The following SSU72 variants were observed in gnomAD, a reference collection of about 807,000 sequenced individuals.
The protein encoded by SSU72 is SSU72 homolog, RNA polymerase II CTD phosphatase.
A neutral mutation model predicts 22.7 loss-of-function variants in SSU72; 12 were observed. The observed-to-expected ratio is 0.53, with a 90% CI of 0.34 to 0.86. The LOEUF is 0.86. SSU72 is among the 40% of genes least tolerant of loss of function. The probability of loss-of-function intolerance (pLI) is 0.02; values close to 1 mark genes in which losing one functional copy is unlikely to be tolerated. For missense variants in SSU72, 151 were observed against 249.8 expected (o/e 0.60, Z 2.67); for synonymous variants, 116 against 98.3 (o/e 1.18, Z -1.06).
intron 1 of SSU72, among the ~76,000 whole-genome samples, chr1:1,572,882 G>A (rs1390280314): frequency 6.8e-6 from 1 of 147,476 alleles, no homozygotes; most frequent in Non-Finnish European, 1.5e-5. Flanking sequence ...TGTCTTGGGG[G>A]GGGGGGGGTG....
intron 2 of SSU72, chr1:1,545,206 G>C (rs1642376259): frequency 3.4e-6 from 2 of 595,876 alleles, no homozygotes; most frequent in Non-Finnish European, 5.8e-6. Context: ...AGTGGGCGAT[G>C]GCAGGTGCTT....
At chr1:1,546,654 T>A (rs191100326) in intron 2 of SSU72, among the ~76,000 whole-genome samples, 3 of 151,666 alleles carry the variant, frequency 2.0e-5, no homozygotes, top group African/African-American at 7.3e-5. Flanking sequence ...CTGGCCAAGA[T>A]GGTGAAACCC....
At chr1:1,547,648 G>A (rs1359763611) in intron 2 of SSU72, among the ~76,000 whole-genome samples, 4 of 152,218 alleles carry the variant, frequency 2.6e-5, no homozygotes, top group African/African-American at 4.8e-5. Context: ...TGAGTGCCAC[G>A]AGGCAAAGGC....
intron 2 of SSU72, chr1:1,561,703 A>G (rs1557502811): frequency 6.6e-6 from 1 of 152,250 alleles, no homozygotes; most frequent in Non-Finnish European, 1.5e-5. Context: ...GGCCAAGGGC[A>G]TCATGTGCAA....
chr1:1,567,535 G>C (rs189292808), intron 1 of SSU72, among the ~76,000 whole-genome samples: 18 of 152,314 alleles, frequency 1.2e-4, no homozygotes, highest in Admixed American at 5.9e-4. Context: ...AAAGTCAACT[G>C]TTGGTTGTGA....
chr1:1,546,360 C>T lies in SSU72; in HGVS notation c.225-1358G>A, dbSNP rs1051214012. ...CACTGTCAGCAGCGTGGAAGTCACA[C>T]ACCCACCCCTGACGTGTGTCTCCTC... On this transcript the variant is annotated intron_variant, in intron 2 of 4. Coordinates refer to ENST00000291386, the MANE Select transcript of SSU72 (RefSeq NM_014188.3). The T allele has an allele frequency of 2.0e-5, 3 of 152,248 alleles. No individual in the cohort carries two copies. The East Asian group carries it at 5.8e-4, about 29-fold the overall frequency. The allele number at this position is 152,248 out of a possible 1,614,324, so 9.4% of individuals were successfully genotyped here.
At chr1:1,551,621 C>A (rs2100709376) in intron 2 of SSU72, among the ~76,000 whole-genome samples, 1 of 152,362 alleles carries the variant, frequency 6.6e-6, no homozygotes, top group South Asian at 2.1e-4. Flanking sequence ...GCACTGGGCG[C>A]TGCTTCCCGA....
chr1:1,569,960 T>C (rs184343614), intron 1 of SSU72, among the ~76,000 whole-genome samples: 37 of 152,324 alleles, frequency 2.4e-4, no homozygotes, highest in Admixed American at 1.8e-3. Context: ...TCACTTACCA[T>C]AAGCATTTCC....
chr1:1,546,885 G>C (rs1156700828), intron 2 of SSU72, among the ~76,000 whole-genome samples: 1 of 110,376 alleles, frequency 9.1e-6, no homozygotes, highest in East Asian at 4.6e-4. Flanking sequence ...AAAAAAAAAA[G>C]GCCGGGCGCG....
rs1186866798 is a variant in SSU72 at position 1,554,943 on chromosome 1, G to A, written c.224+9830C>T. On this transcript the variant is annotated intron_variant, in intron 2 of 4. Transcript: ENST00000291386. The surrounding 1 kb of genome is among the most constrained non-coding windows in gnomAD (Gnocchi z 4.1). ...CTTCCTTGACGTCAAGTCTCCTGAA[G>A]GTGTTGATGCTCCGTGGAAGCCTTG... Among the ~76,000 whole-genome samples the A allele has an allele frequency of 6.6e-6, 1 of 152,150 alleles. No homozygotes were observed. The highest frequency in any genetic ancestry group is 1.5e-5 in the Non-Finnish European group (1 of 68,020).
rs1642326416 is a variant in SSU72, at chr1:1,541,970, T to C, written c.*96A>G. On this transcript the variant is annotated 3_prime_UTR_variant, in exon 5 of 5. Coordinates refer to ENST00000291386, the MANE Select transcript of SSU72 (RefSeq NM_014188.3). ...ACAGTTTATTTGGGTAATGCTACCG[T>C]CACCAGCAGAACACCTGTAAGTAAA... The C allele has an allele frequency of 3.4e-6, 4 of 1,187,318 alleles. No homozygotes were observed. Among genetic ancestry groups the C allele is most frequent in the Middle Eastern group, 1.9e-4 (1 of 5,232 alleles). The allele number at this position is 1,187,318 out of a possible 1,614,324, so 73.5% of individuals were successfully genotyped here. A position where few individuals can be genotyped will look rare whatever the true frequency, so the allele number is the denominator to read the frequency against.
At chr1:1,559,793 T>C (rs768240632) in intron 2 of SSU72, among the ~76,000 whole-genome samples, 2 of 152,058 alleles carry the variant, frequency 1.3e-5, no homozygotes, top group Non-Finnish European at 2.9e-5. Context: ...ATGGTGCAAC[T>C]TCGGCTCACG....
chr1:1,574,603 C>T lies in SSU72; in HGVS notation c.-46G>A, dbSNP rs780477654. On this transcript the variant is annotated 5_prime_UTR_variant, in exon 1 of 5. Transcript: ENST00000291386. Reference sequence around the variant, plus strand: ...CGGCTCTCCCGCTTGGGTTCCCACCCTACCGCGGCGCTTCCGCGCGAACAA... The same window carrying T: ...CGGCTCTCCCGCTTGGGTTCCCACCTTACCGCGGCGCTTCCGCGCGAACAA... 1.3e-6 allele frequency: 2 copies of T among 1,532,972 alleles called. No homozygotes were observed. The highest frequency in any genetic ancestry group is 1.2e-5 in the South Asian group (1 of 83,332). The allele number at this position is 1,532,972 out of a possible 1,614,324, so 95.0% of individuals were successfully genotyped here. A position where few individuals can be genotyped will look rare whatever the true frequency, so the allele number is the denominator to read the frequency against.
intron 1 of SSU72, among the ~76,000 whole-genome samples, chr1:1,567,181 G>C (rs1288455505): frequency 6.6e-6 from 1 of 152,220 alleles, no homozygotes; most frequent in Non-Finnish European, 1.5e-5. Context: ...AAGATGAGTA[G>C]AGGAAGCAAA....
intron 3 of SSU72, among the ~76,000 whole-genome samples, 178 bp from the exon 4 acceptor site, chr1:1,544,165 G>C (rs567236363): frequency 6.6e-6 from 1 of 152,204 alleles, no homozygotes; most frequent in Non-Finnish European, 1.5e-5. Flanking sequence ...CTGATGGTTC[G>C]AGGAAACCTG....
intron 2 of SSU72, among the ~76,000 whole-genome samples, chr1:1,557,335 C>T (rs1034811314): frequency 6.6e-6 from 1 of 151,920 alleles, no homozygotes; most frequent in Non-Finnish European, 1.5e-5. Context: ...ATCGTTTGAA[C>T]CTGGGAGGCG....
intron 2 of SSU72, among the ~76,000 whole-genome samples, chr1:1,548,916 G>A (rs902838137): frequency 3.3e-5 from 5 of 152,232 alleles, no homozygotes; most frequent in African/African-American, 9.6e-5. Flanking sequence ...CCACAGTGAC[G>A]TCTGGAACCC....
At position 1,541,836 on chromosome 1, in the gene SSU72, AAGAAGAAAAAC is replaced by A; in HGVS notation, c.*219_*229del. ...AACCGTTGTCTTTCCTTTTTGGTTA[AAGAAGAAAAAC>A]TTTGTAATCAATATCCTGCTCATAA... On this transcript the variant is annotated 3_prime_UTR_variant, in exon 5 of 5. Coordinates refer to ENST00000291386, the MANE Select transcript of SSU72 (RefSeq NM_014188.3). 1 of 526,696 alleles carries A rather than the reference AAGAAGAAAAAC, an allele frequency of 1.9e-6. No homozygotes were observed. Among genetic ancestry groups the A allele is most frequent in the South Asian group, 2.1e-5 (1 of 47,862 alleles). The allele number at this position is 526,696 out of a possible 1,614,324, so 32.6% of individuals were successfully genotyped here. A position where few individuals can be genotyped will look rare whatever the true frequency, so the allele number is the denominator to read the frequency against.
chr1:1,564,978 G>C, intron 1 of SSU72, 62 bp from the exon 2 acceptor site: 1 of 1,529,138 alleles, frequency 6.5e-7, no homozygotes. Context: ...CCAAAAGCAA[G>C]GGACAGCAAA....
Sources: allele counts gnomAD v4.1 joint callset (sites outside exome capture counted in the v4.1 genomes callset), GRCh38; gene constraint gnomAD v4.1.1; non-coding constraint Gnocchi (gnomAD v3.1); transcripts MANE v1.5; gene names NCBI Gene and HGNC (gene_info 2026-07-23, HGNC 2026-07-21).